CES5A: variants seen among roughly 807,000 people sequenced by gnomAD.
CES5A encodes the protein carboxylesterase 5A.
Under a neutral mutation model 62.9 loss-of-function variants are expected in CES5A, and 67 were observed. That is an observed-to-expected ratio of 1.07 (90% CI 0.88 to 1.31). CES5A has a LOEUF of 1.31. Among genes scored for constraint, CES5A ranks in the 50% most tolerant of loss-of-function variants. The pLI, the probability that CES5A is intolerant of heterozygous loss-of-function variation, is 0.00. For synonymous variants in CES5A, 296 were observed against 280.8 expected (o/e 1.05, Z -0.54); for missense variants, 748 against 708.5 (o/e 1.06, Z -0.63).
chr16:55,892,618 A>C (rs2033892084), intron 1 of CES5A, among the ~76,000 whole-genome samples: 1 of 152,116 alleles, frequency 6.6e-6, no homozygotes. Flanking sequence ...TTTTTAATTA[A>C]ATTTTTTTCA....
At chr16:55,869,581 C>T in intron 4 of CES5A, 30 bp downstream of exon 4, 2 of 1,609,748 alleles carry the variant, frequency 1.2e-6, no homozygotes, top group Non-Finnish European at 8.5e-7. Flanking sequence ...CTTTGGGGAT[C>T]TGGGATGTCC....
At chr16:55,891,783 A>G (rs541843966) in intron 1 of CES5A, among the ~76,000 whole-genome samples, 192 of 152,314 alleles carry the variant, frequency 1.3e-3, no homozygotes, top group Non-Finnish European at 2.0e-3. Context: ...CACACCCTAC[A>G]AACCATAAAT....
chr16:55,934,474 AG>A (rs1231308359), intron 2 of CES5A, among the ~76,000 whole-genome samples: 1 of 152,236 alleles, frequency 6.6e-6, no homozygotes, highest in Non-Finnish European at 1.5e-5. Flanking sequence ...GACTGGACTT[AG>A]AAATGTTTCC....
At chr16:55,914,118 T>A (rs1288480142) in intron 1 of CES5A, among the ~76,000 whole-genome samples, 3 of 152,210 alleles carry the variant, frequency 2.0e-5, no homozygotes, top group Non-Finnish European at 2.9e-5. Context: ...TAAGTATGTC[T>A]CCAGTATTGT....
At chr16:55,900,939 A>G (rs964793860) in intron 1 of CES5A, among the ~76,000 whole-genome samples, 1 of 152,202 alleles carries the variant, frequency 6.6e-6, no homozygotes, top group Non-Finnish European at 1.5e-5. Flanking sequence ...GGGAAACTGA[A>G]GCACAAAGAG....
At chr16:55,868,299 A>G (rs1396200315) in intron 4 of CES5A, among the ~76,000 whole-genome samples, 1 of 152,114 alleles carries the variant, frequency 6.6e-6, no homozygotes, top group Non-Finnish European at 1.5e-5. Flanking sequence ...CCTGCAAAGC[A>G]CTCCCAGAGC....
At chr16:55,893,393 G>A (rs896911577) in intron 1 of CES5A, among the ~76,000 whole-genome samples, 2 of 152,072 alleles carry the variant, frequency 1.3e-5, no homozygotes, top group African/African-American at 4.8e-5. Context: ...AATAGAATCA[G>A]TTCCCATAAA....
chr16:55,951,969 G>A (rs72810552), intron 1 of CES5A, among the ~76,000 whole-genome samples: 6,031 of 152,178 alleles, frequency 0.04, 160 homozygotes, highest in Middle Eastern at 0.071. Flanking sequence ...AATAGACATA[G>A]ATGTTAAGAA....
rs2080350 is a variant in CES5A at position 55,945,837 on chromosome 16, G to A, written c.160+3948C>T. Among the ~76,000 whole-genome samples, 188 of 152,210 alleles carry A rather than the reference G, an allele frequency of 1.2e-3. 1 individual carries two copies. The East Asian group carries it at 0.014, about 11-fold the overall frequency. ...AGCATCCTAGGCCCAGATGATCTTAGCAATTCTCCCAGCTCCTACTATCAC... is the reference window on the plus strand; with the variant it reads ...AGCATCCTAGGCCCAGATGATCTTAACAATTCTCCCAGCTCCTACTATCAC... On this transcript the variant is annotated intron_variant, in intron 2 of 13. Coordinates refer to the CES5A transcript ENST00000521992.
At chr16:55,946,080 G>A (rs1050538423) in intron 2 of CES5A, among the ~76,000 whole-genome samples, 11 of 152,222 alleles carry the variant, frequency 7.2e-5, no homozygotes, top group Admixed American at 4.6e-4. Context: ...TTAAGCAATA[G>A]AAACATGATT....
chr16:55,931,760 C>G (rs2034314607), intron 2 of CES5A, among the ~76,000 whole-genome samples: 1 of 152,212 alleles, frequency 6.6e-6, no homozygotes, highest in Non-Finnish European at 1.5e-5. Flanking sequence ...CCACTGCACC[C>G]TGACTCCTGG....
Position 55,846,382 on chromosome 16 carries a change from A to G in CES5A, c.*69T>C. On this transcript the variant is annotated 3_prime_UTR_variant, in exon 13 of 13. Coordinates refer to ENST00000290567, the MANE Select transcript of CES5A (RefSeq NM_001143685.2). ...CCCATAGAAAGCAGCTGAGCTCAGA[A>G]AGAAGCTAATGATTGCGGGAGAAAT... 2 of 1,230,784 alleles carry G rather than the reference A, an allele frequency of 1.6e-6. No individual in the cohort carries two copies. Among genetic ancestry groups the G allele is most frequent in the Non-Finnish European group, 2.4e-6 (2 of 846,440 alleles). 76.2% of individuals were successfully genotyped at this position (1,230,784 alleles called of 1,614,324 possible).
At chr16:55,911,713 A>C (rs978931920) in intron 1 of CES5A, among the ~76,000 whole-genome samples, 4 of 152,122 alleles carry the variant, frequency 2.6e-5, no homozygotes, top group Non-Finnish European at 4.4e-5. Flanking sequence ...CCCTACTTGG[A>C]AGGTGACAGA....
intron 2 of CES5A, among the ~76,000 whole-genome samples, chr16:55,943,825 C>T (rs1275747366): frequency 3.9e-5 from 6 of 152,300 alleles, no homozygotes; most frequent in Admixed American, 3.9e-4. Context: ...TGATGTCAGC[C>T]TAGTCATTCT....
intron 3 of CES5A, among the ~76,000 whole-genome samples, 192 bp downstream of exon 3, chr16:55,871,433 A>G (rs1260937419): frequency 6.6e-6 from 1 of 152,270 alleles, no homozygotes; most frequent in East Asian, 1.9e-4. Context: ...GGCACTGCCA[A>G]TAAAGAATCA....
intron 1 of CES5A, among the ~76,000 whole-genome samples, chr16:55,951,169 A>G (rs2034553839): frequency 6.6e-6 from 1 of 151,202 alleles, no homozygotes; most frequent in Admixed American, 6.6e-5. Context: ...ATTTACAAGG[A>G]AGAAGAGAAA....
chr16:55,894,563 G>T (rs1434407452), intron 1 of CES5A, among the ~76,000 whole-genome samples: 1 of 151,772 alleles, frequency 6.6e-6, no homozygotes, highest in Non-Finnish European at 1.5e-5. Flanking sequence ...GAGGATGTGG[G>T]TGACATCGAA....
chr16:55,904,088 T>TCA (rs1472255583), intron 1 of CES5A, among the ~76,000 whole-genome samples: 1 of 152,148 alleles, frequency 6.6e-6, no homozygotes, highest in Admixed American at 6.5e-5. Context: ...AATAGGGAAA[T>TCA]CAGACTACAC....
At chr16:55,883,756 G>A (rs1248371099) in intron 1 of CES5A, among the ~76,000 whole-genome samples, 1 of 152,140 alleles carries the variant, frequency 6.6e-6, no homozygotes, top group Non-Finnish European at 1.5e-5. Context: ...ACAGACCATG[G>A]ATTCCTTATT....
Sources: allele counts gnomAD v4.1 joint callset (sites outside exome capture counted in the v4.1 genomes callset), GRCh38; gene constraint gnomAD v4.1.1; transcripts MANE v1.5; gene names NCBI Gene and HGNC (gene_info 2026-07-23, HGNC 2026-07-21).